The following MAL variants were observed in gnomAD, a reference collection of about 807,000 sequenced individuals.
MAL encodes the protein mal, T cell differentiation protein (MAL blood group).
MAL carries 5 observed loss-of-function variants against 16.7 expected under a neutral mutation model. The ratio of observed to expected loss-of-function variants is 0.30; its 90% confidence interval spans 0.16 to 0.63. MAL has a LOEUF of 0.63. MAL is among the 30% of genes least tolerant of loss of function. MAL has a pLI of 0.82. For synonymous variants in MAL, 96 were observed against 85.5 expected (o/e 1.12, Z -0.67); for missense variants, 202 against 195.8 (o/e 1.03, Z -0.19).
intron 1 of MAL, among the ~76,000 whole-genome samples, chr2:95,040,268 C>T (rs1681536750): frequency 1.3e-5 from 2 of 152,108 alleles, no homozygotes; most frequent in Non-Finnish European, 2.9e-5. Context: ...CATGCACAGA[C>T]ATACACACAT....
Position 95,048,069 on chromosome 2 carries a change from C to T in MAL, c.204C>T (p.Thr68=), listed in dbSNP as rs772207139. ...VSVFCFVATT[T]LIILYIIGAH... ...TGTTCTGCTTCGTGGCCACCACCAC[C>T]TTGATCATCCTGTACATAATTGGAG... The change falls in exon 2 of 4, where the codon ACC becomes ACT. Residue 68 remains threonine (T), a synonymous_variant. Coordinates refer to ENST00000309988, the MANE Select transcript of MAL (RefSeq NM_002371.4). 6.2e-7 allele frequency: 1 copy of T among 1,613,896 alleles called. No individual in the cohort carries two copies. The highest frequency in any genetic ancestry group is 8.5e-7 in the Non-Finnish European group (1 of 1,179,816).
At chr2:95,047,868 T>C (rs1228384875) in intron 1 of MAL, 91 bp from the exon 2 acceptor site, 26 of 1,302,556 alleles carry the variant, frequency 2.0e-5, no homozygotes, top group Non-Finnish European at 2.5e-5. Flanking sequence ...GTTTTTGCAC[T>C]CCAGTCACCC....
chr2:95,030,891 GACTGT>G (rs1674061829), intron 1 of MAL, among the ~76,000 whole-genome samples: 1 of 152,222 alleles, frequency 6.6e-6, no homozygotes, highest in African/African-American at 2.4e-5. Context: ...AAAGTGACTG[GACTGT>G]TATTAAGAGT....
rs187774189 is a variant in MAL, at chr2:95,041,676, G to A, written c.94-6283G>A. On this transcript the variant is annotated intron_variant, in intron 1 of 3. Transcript: ENST00000309988. ...TAGTGACACAGCTCACTTCAAACTC[G>A]TCAACCCTGGCTCCCAAGTGCACAC... Among the ~76,000 whole-genome samples, 103 of 152,272 alleles carry A rather than the reference G, an allele frequency of 6.8e-4. 2 individuals are homozygous for A. The East Asian group carries it at 0.017, about 26-fold the overall frequency.
chr2:95,038,420 A>ATGAGTGAC (rs1199999916), intron 1 of MAL, among the ~76,000 whole-genome samples: 1 of 57,792 alleles, frequency 1.7e-5, no homozygotes, highest in Non-Finnish European at 3.7e-5. Context: ...GAGTGACTGA[A>ATGAGTGAC]TGAGTGACTG....
At chr2:95,035,877 G>A (rs1379355061) in intron 1 of MAL, among the ~76,000 whole-genome samples, 1 of 152,050 alleles carries the variant, frequency 6.6e-6, no homozygotes, top group East Asian at 1.9e-4. Context: ...CACCGTGTTA[G>A]CCAGGATAGT....
At chr2:95,039,079 ATT>A (rs1674358791) in intron 1 of MAL, among the ~76,000 whole-genome samples, 2 of 148,894 alleles carry the variant, frequency 1.3e-5, no homozygotes, top group African/African-American at 2.5e-5. Flanking sequence ...TGAGTGACTG[ATT>A]GAGTGACTGA....
intron 1 of MAL, among the ~76,000 whole-genome samples, chr2:95,046,162 G>T (rs749674215): frequency 6.6e-6 from 1 of 152,218 alleles, no homozygotes; most frequent in Non-Finnish European, 1.5e-5. Flanking sequence ...GAAGACAGCG[G>T]TATCTCTCAC....
intron 1 of MAL, among the ~76,000 whole-genome samples, chr2:95,034,052 C>T (rs780668216): frequency 1.6e-4 from 24 of 152,326 alleles, no homozygotes; most frequent in Non-Finnish European, 2.9e-4. Context: ...ACCAACTGGC[C>T]GACCTGTGCC....
chr2:95,050,125 C>T (rs1330598890), intron 3 of MAL, among the ~76,000 whole-genome samples: 6 of 152,276 alleles, frequency 3.9e-5, no homozygotes, highest in African/African-American at 1.4e-4. Context: ...TGGGACCTGG[C>T]ATCAACGCTG....
At chr2:95,031,041 A>C (rs1165918705) in intron 1 of MAL, among the ~76,000 whole-genome samples, 3 of 152,150 alleles carry the variant, frequency 2.0e-5, no homozygotes, top group African/African-American at 7.2e-5. Flanking sequence ...TGCACTGAGA[A>C]GGTGGCATGG....
At chr2:95,042,140 G>A (rs963949528) in intron 1 of MAL, among the ~76,000 whole-genome samples, 1 of 152,168 alleles carries the variant, frequency 6.6e-6, no homozygotes, top group African/African-American at 2.4e-5. Context: ...GAGGAGAGGA[G>A]GGGAAAGGAG....
intron 1 of MAL, among the ~76,000 whole-genome samples, chr2:95,037,484 CTGAG>C (rs1356701018): frequency 1.6e-4 from 17 of 107,056 alleles, no homozygotes; most frequent in East Asian, 8.8e-4. Context: ...GACTGAGTGA[CTGAG>C]TGAGTGACTG....
chr2:95,027,682 G>A (rs1359393051), intron 1 of MAL, among the ~76,000 whole-genome samples: 1 of 152,184 alleles, frequency 6.6e-6, no homozygotes, highest in African/African-American at 2.4e-5. Flanking sequence ...CTGAGAAGGC[G>A]CTGGCCACCC....
intron 1 of MAL, among the ~76,000 whole-genome samples, chr2:95,038,234 GACT>G (rs1674303031): frequency 1.6e-5 from 1 of 63,322 alleles, no homozygotes. Flanking sequence ...GTGACTGAGT[GACT>G]GAGTGTGTGA....
At chr2:95,043,941 A>T (rs1260219436) in intron 1 of MAL, among the ~76,000 whole-genome samples, 2 of 152,164 alleles carry the variant, frequency 1.3e-5, no homozygotes, top group South Asian at 4.1e-4. Flanking sequence ...TGTTTCTGGG[A>T]CAGGCAAGGA....
intron 1 of MAL, among the ~76,000 whole-genome samples, chr2:95,037,452 GTGACTGAGTGACTAAC>G (rs1674257179): frequency 1.3e-5 from 2 of 151,314 alleles, no homozygotes; most frequent in African/African-American, 2.4e-5. Context: ...GACTGAGTGA[GTGACTGAGTGACTAAC>G]TGAGTGACTG....
At chr2:95,053,334 C>A in intron 3 of MAL, 47 bp from the exon 4 acceptor site, 2 of 1,307,148 alleles carry the variant, frequency 1.5e-6, no homozygotes, top group Non-Finnish European at 2.2e-6. Flanking sequence ...CGCTGTGCCT[C>A]GCCCTCCCTA....
At chr2:95,032,102 G>A (rs1016774754) in intron 1 of MAL, among the ~76,000 whole-genome samples, 2 of 152,260 alleles carry the variant, frequency 1.3e-5, no homozygotes, top group African/African-American at 2.4e-5. Context: ...CAGAACTGGT[G>A]CAAAGGCACC....
Sources: gnomAD v4.1 joint callset for allele counts (sites outside exome capture counted in the v4.1 genomes callset) on GRCh38, gnomAD v4.1.1 for gene constraint, MANE v1.5 for transcripts, NCBI Gene and HGNC (gene_info 2026-07-23, HGNC 2026-07-21) for gene names.